VGLL4: variants seen among roughly 807,000 people sequenced by gnomAD.
VGLL4 encodes transcription cofactor vestigial-like protein 4.
In VGLL4, 7 loss-of-function variants were observed where a neutral mutation model predicts 21.0. The observed-to-expected ratio is 0.33, with a 90% confidence interval of 0.19 to 0.63. The LOEUF (loss-of-function observed/expected upper bound fraction) is 0.63, where lower values mean the gene tolerates loss of function less well. Among genes scored for constraint, VGLL4 ranks in the 20% least tolerant of loss-of-function variants. The probability of loss-of-function intolerance (pLI) is 0.78; values close to 1 mark genes in which losing one functional copy is unlikely to be tolerated. For missense variants in VGLL4, 394 were observed against 425.7 expected (o/e 0.93, Z 0.66); for synonymous variants, 222 against 173.2 (o/e 1.28, Z -2.21).
chr3:11,687,605 C>T (rs890038515), intron 2 of VGLL4, among the ~76,000 whole-genome samples: 3 of 152,050 alleles, frequency 2.0e-5, no homozygotes, highest in Admixed American at 6.6e-5. Context: ...GCACTGTACC[C>T]GGCCCTGAGA....
intron 2 of VGLL4, among the ~76,000 whole-genome samples, chr3:11,677,430 C>A (rs2076307618): frequency 6.6e-6 from 1 of 151,982 alleles, no homozygotes; most frequent in Admixed American, 6.6e-5. Flanking sequence ...CCACCACACC[C>A]AGCTAATTTT....
intron 1 of VGLL4, among the ~76,000 whole-genome samples, chr3:11,705,085 G>T (rs2076739489): frequency 6.6e-6 from 1 of 152,210 alleles, no homozygotes; most frequent in Admixed American, 6.5e-5. Flanking sequence ...GGACCACATC[G>T]TGAAAGGACT....
intron 3 of VGLL4, among the ~76,000 whole-genome samples, chr3:11,559,962 C>A (rs1012564067): frequency 1.3e-5 from 2 of 152,138 alleles, no homozygotes; most frequent in Non-Finnish European, 2.9e-5. Flanking sequence ...CAAATCGGGA[C>A]AGAGAGGAAA....
intron 2 of VGLL4, among the ~76,000 whole-genome samples, chr3:11,595,842 G>C (rs867475336): frequency 5.2e-5 from 1 of 19,110 alleles, no homozygotes. Flanking sequence ...GTTGTGGTGT[G>C]GGGGGGGCGG....
At chr3:11,665,101 CTTTTTTTTTTT>C (rs59999510) in intron 2 of VGLL4, among the ~76,000 whole-genome samples, 4 of 96,950 alleles carry the variant, frequency 4.1e-5, no homozygotes, top group East Asian at 6.2e-4. Context: ...GAATATTTTT[CTTTTTTTTTTT>C]TTTTTTTTTT....
intron 1 of VGLL4, among the ~76,000 whole-genome samples, chr3:11,709,309 C>T (rs1478621203): frequency 6.6e-6 from 1 of 151,612 alleles, no homozygotes; most frequent in Non-Finnish European, 1.5e-5. Context: ...TGGTAGCAGG[C>T]ACCTGTAATC....
chr3:11,636,229 G>A (rs1303806851), intron 1 of VGLL4, among the ~76,000 whole-genome samples: 1 of 152,120 alleles, frequency 6.6e-6, no homozygotes, highest in Non-Finnish European at 1.5e-5. Context: ...CTCCCAGCTG[G>A]ATTATGGGTA....
chr3:11,715,629 C>T (rs187024035), intron 1 of VGLL4, among the ~76,000 whole-genome samples: 22 of 152,242 alleles, frequency 1.4e-4, no homozygotes, highest in African/African-American at 4.3e-4. Context: ...CCACCGGGCC[C>T]GGCCCAGTTC....
intron 1 of VGLL4, among the ~76,000 whole-genome samples, chr3:11,629,039 A>C (rs2075419238): frequency 6.6e-6 from 1 of 152,244 alleles, no homozygotes. Context: ...ATGATGCCAT[A>C]GCTATAGGAA....
intron 1 of VGLL4, among the ~76,000 whole-genome samples, chr3:11,714,402 A>G (rs1043423208): frequency 2.0e-5 from 3 of 152,178 alleles, no homozygotes; most frequent in Non-Finnish European, 2.9e-5. Flanking sequence ...AGCACAAATA[A>G]AAATGAGGCC....
intron 2 of VGLL4, among the ~76,000 whole-genome samples, chr3:11,694,262 C>A (rs1156721768): frequency 6.6e-6 from 1 of 152,182 alleles, no homozygotes. Flanking sequence ...AATCAGATGG[C>A]TAGGTGCTAT....
At chr3:11,679,707 A>C (rs1413135846) in intron 2 of VGLL4, among the ~76,000 whole-genome samples, 1 of 152,198 alleles carries the variant, frequency 6.6e-6, no homozygotes, top group African/African-American at 2.4e-5. Context: ...ACATGTTTAT[A>C]GAATGAGAAT....
intron 2 of VGLL4, among the ~76,000 whole-genome samples, chr3:11,663,375 C>G (rs1389812053): frequency 1.3e-5 from 2 of 152,206 alleles, no homozygotes; most frequent in East Asian, 3.8e-4. Context: ...AGAACAAATT[C>G]ATCCAATTCA....
chr3:11,703,361 G>A (rs776201167), intron 1 of VGLL4, among the ~76,000 whole-genome samples: 1 of 152,190 alleles, frequency 6.6e-6, no homozygotes, highest in Non-Finnish European at 1.5e-5. Flanking sequence ...TAACATGCCT[G>A]TATAAACATG....
At chr3:11,580,988 A>G (rs1376975900) in intron 2 of VGLL4, among the ~76,000 whole-genome samples, 1 of 152,146 alleles carries the variant, frequency 6.6e-6, no homozygotes, top group Non-Finnish European at 1.5e-5. Flanking sequence ...GACCATTTGT[A>G]TAACATTGGT....
rs59999510 is a variant in VGLL4, at chr3:11,665,101, C to CTTT, written c.64+37867_64+37869dup. 3.0e-3 allele frequency among the ~76,000 whole-genome samples: 287 copies of CTTT among 96,950 alleles called. 50 individuals are homozygous for CTTT. The highest frequency in any genetic ancestry group is 0.011 in the African/African-American group (226 of 20,498). The allele number at this position is 96,950 out of a possible 152,430, so 63.6% of individuals were successfully genotyped here. A position where few individuals can be genotyped will look rare whatever the true frequency, so the allele number is the denominator to read the frequency against. On this transcript the variant is annotated intron_variant, in intron 2 of 5. Coordinates refer to the VGLL4 transcript ENST00000273038. ...AAATGAAAGCAATTTGAATATTTTT[C>CTTT]TTTTTTTTTTTTTTTTTTTTTTTTT... is the stretch of plus-strand genomic sequence containing the variant.
rs1421995292 is a variant in VGLL4 at position 11,564,728 on chromosome 3, G to A, written c.495+69C>T. ...CACCGCCCTCGGAGTCCTCTGCTCGGGGCTCTCCATCCAGCCCAGTCCCCC... is the reference window on the plus strand; with the variant it reads ...CACCGCCCTCGGAGTCCTCTGCTCGAGGCTCTCCATCCAGCCCAGTCCCCC... On this transcript the variant is annotated intron_variant, in intron 3 of 4. Coordinates refer to ENST00000430365, the MANE Select transcript of VGLL4 (RefSeq NM_001128219.3). The A allele has an allele frequency of 9.0e-6, 13 of 1,442,788 alleles. No individual in the cohort carries two copies. In the Admixed American group the frequency reaches 2.7e-4, roughly 30 times the overall value. 89.4% of individuals were successfully genotyped at this position (1,442,788 alleles called of 1,614,324 possible).
At chr3:11,634,578 C>T (rs934739099) in intron 1 of VGLL4, among the ~76,000 whole-genome samples, 12 of 152,182 alleles carry the variant, frequency 7.9e-5, no homozygotes, top group Admixed American at 6.5e-4. Context: ...CCCTTTTATG[C>T]CCGCCTACTC....
intron 2 of VGLL4, among the ~76,000 whole-genome samples, chr3:11,587,237 G>A (rs1453825379): frequency 6.6e-6 from 1 of 152,182 alleles, no homozygotes; most frequent in Non-Finnish European, 1.5e-5. Flanking sequence ...ACAATCCAGT[G>A]ATAAACTCAG....
Sources: gnomAD v4.1 joint callset for allele counts (sites outside exome capture counted in the v4.1 genomes callset) on GRCh38, gnomAD v4.1.1 for gene constraint, MANE v1.5 for transcripts, NCBI Gene and HGNC (gene_info 2026-07-23, HGNC 2026-07-21) for gene names.